The following KCNN2 variants were observed in gnomAD, a reference collection of about 807,000 sequenced individuals.
The protein encoded by KCNN2 is potassium calcium-activated channel subfamily N member 2, also known as small conductance calcium-activated potassium channel protein 2.
Under a neutral mutation model 55.5 loss-of-function variants are expected in KCNN2, and 24 were observed. The ratio of observed to expected loss-of-function variants is 0.43; its 90% CI spans 0.31 to 0.61. The LOEUF is 0.61. KCNN2 is among the 20% of genes least tolerant of loss of function. The probability of loss-of-function intolerance (pLI) is 0.08; values close to 1 mark genes in which losing one functional copy is unlikely to be tolerated. For synonymous variants in KCNN2, 431 were observed against 336.1 expected, an observed-to-expected ratio of 1.28 and a Z score of -3.09; for missense variants, 754 against 853.6, an observed-to-expected ratio of 0.88 and a Z score of 1.45.
intron 1 of KCNN2, among the ~76,000 whole-genome samples, chr5:114,118,546 A>C (rs1751764399): frequency 6.6e-6 from 1 of 151,986 alleles, no homozygotes; most frequent in African/African-American, 2.4e-5. Flanking sequence ...AAAAAATAAG[A>C]GGAGGAAGAC....
intron 1 of KCNN2, among the ~76,000 whole-genome samples, chr5:114,094,938 A>G (rs1306019255): frequency 6.6e-6 from 1 of 152,090 alleles, no homozygotes; most frequent in African/African-American, 2.4e-5. Flanking sequence ...ATATATTTTT[A>G]TATGATAATT....
chr5:114,183,753 C>G (rs1226922571), intron 1 of KCNN2, among the ~76,000 whole-genome samples: 4 of 150,364 alleles, frequency 2.7e-5, no homozygotes, highest in African/African-American at 7.3e-5. Context: ...TTAACTTGAT[C>G]AGACTAGTTA....
intron 3 of KCNN2, among the ~76,000 whole-genome samples, chr5:114,431,352 C>G (rs566236016): frequency 1.3e-5 from 2 of 151,816 alleles, no homozygotes; most frequent in Non-Finnish European, 2.9e-5. Flanking sequence ...TCCATTTTAT[C>G]TAGGTTGTCA....
rs760205714 is a variant in KCNN2, at chr5:114,363,275, C to T, written c.1122+14C>T. On this transcript the variant is annotated intron_variant, in intron 1 of 7. Coordinates refer to ENST00000673685, the MANE Select transcript of KCNN2 (RefSeq NM_021614.4). ...GCCTACGACAAGGTACAGGCTTGAACCCCAGCCCACGCTACCGGAGTCGGG... is the reference window on the plus strand; with the variant it reads ...GCCTACGACAAGGTACAGGCTTGAATCCCAGCCCACGCTACCGGAGTCGGG... The T allele has an allele frequency of 1.9e-6, 3 of 1,577,504 alleles. No homozygotes were observed. Among genetic ancestry groups the T allele is most frequent in the Admixed American group, 1.8e-5 (1 of 56,122 alleles).
chr5:114,072,738 T>G (rs948586501), intron 1 of KCNN2, among the ~76,000 whole-genome samples: 2 of 152,186 alleles, frequency 1.3e-5, no homozygotes, highest in African/African-American at 4.8e-5. Flanking sequence ...TACCACTAAC[T>G]GGCCTTTTGG....
At chr5:114,281,589 C>G (rs1007487079) in intron 2 of KCNN2, among the ~76,000 whole-genome samples, 2 of 139,730 alleles carry the variant, frequency 1.4e-5, no homozygotes, top group African/African-American at 5.2e-5. Flanking sequence ...TTGTCAATCT[C>G]TGTCTCTCTC....
At chr5:114,062,852 T>G (rs1425067812) in intron 1 of KCNN2, among the ~76,000 whole-genome samples, 1 of 152,200 alleles carries the variant, frequency 6.6e-6, no homozygotes, top group African/African-American at 2.4e-5. Context: ...GTTAAAATGT[T>G]AGGATACTAA....
intron 3 of KCNN2, among the ~76,000 whole-genome samples, chr5:114,424,017 C>T (rs539977501): frequency 6.6e-6 from 1 of 152,212 alleles, no homozygotes; most frequent in South Asian, 2.1e-4. Context: ...TAAATTGGAA[C>T]TGATGCATGG....
intron 3 of KCNN2, among the ~76,000 whole-genome samples, chr5:114,419,080 C>A (rs1386189686): frequency 1.3e-5 from 2 of 152,142 alleles, no homozygotes; most frequent in Non-Finnish European, 2.9e-5. Context: ...TAGACTTTGT[C>A]TTAATTTGTG....
At chr5:114,424,324 C>T (rs999688791) in intron 3 of KCNN2, among the ~76,000 whole-genome samples, 14 of 152,126 alleles carry the variant, frequency 9.2e-5, no homozygotes, top group Non-Finnish European at 2.1e-4. Flanking sequence ...TGATCCTGAC[C>T]TATGAGCACT....
chr5:114,460,816 A>G (rs989034322), intron 3 of KCNN2, among the ~76,000 whole-genome samples: 2 of 152,224 alleles, frequency 1.3e-5, no homozygotes, highest in Non-Finnish European at 2.9e-5. Context: ...ATACATATGC[A>G]TCATGGAACC....
intron 3 of KCNN2, among the ~76,000 whole-genome samples, chr5:114,442,616 C>T (rs909527908): frequency 6.6e-6 from 1 of 152,012 alleles, no homozygotes; most frequent in African/African-American, 2.4e-5. Flanking sequence ...TGAAGTATGC[C>T]TCGCCAGATG....
At chr5:114,247,193 A>G (rs1237407758) in intron 2 of KCNN2, among the ~76,000 whole-genome samples, 1 of 128,652 alleles carries the variant, frequency 7.8e-6, no homozygotes, top group Non-Finnish European at 1.6e-5. Context: ...GCATGGTACC[A>G]TATGTCTCCA....
At chr5:114,447,775 T>G (rs1760478234) in intron 3 of KCNN2, among the ~76,000 whole-genome samples, 1 of 152,234 alleles carries the variant, frequency 6.6e-6, no homozygotes, top group South Asian at 2.1e-4. Context: ...ATTTTACAAG[T>G]GTATTTTGAT....
chr5:114,314,230 C>T (rs1290666976), intron 2 of KCNN2, among the ~76,000 whole-genome samples: 1 of 152,042 alleles, frequency 6.6e-6, no homozygotes, highest in Admixed American at 6.6e-5. Flanking sequence ...ACACAGAGTT[C>T]CTATATATCA....
At chr5:114,370,992 T>A (rs1401552458) in intron 2 of KCNN2, among the ~76,000 whole-genome samples, 1 of 152,150 alleles carries the variant, frequency 6.6e-6, no homozygotes, top group Non-Finnish European at 1.5e-5. Flanking sequence ...TCACCTGGCT[T>A]AATAGCATTC....
chr5:114,486,782 A>G, intron 5 of KCNN2: 1 of 1,341,996 alleles, frequency 7.5e-7, no homozygotes, highest in South Asian at 1.3e-5. Context: ...ATAGTTGAAT[A>G]AAAAAGAAGT....
intron 1 of KCNN2, among the ~76,000 whole-genome samples, chr5:114,169,813 G>A (rs189654723): frequency 2.1e-3 from 322 of 152,236 alleles, no homozygotes; most frequent in African/African-American, 7.4e-3. Flanking sequence ...GGTTACTGAT[G>A]TATTTAGAGA....
chr5:114,409,065 G>GATTT (rs1218420110), intron 3 of KCNN2, among the ~76,000 whole-genome samples: 1 of 152,186 alleles, frequency 6.6e-6, no homozygotes, highest in Non-Finnish European at 1.5e-5. Flanking sequence ...GGGACACTGG[G>GATTT]ATTTAGTCTC....
Sources: gnomAD v4.1 joint callset for allele counts (sites outside exome capture counted in the v4.1 genomes callset) on GRCh38, gnomAD v4.1.1 for gene constraint, MANE v1.5 for transcripts, NCBI Gene and HGNC (gene_info 2026-07-23, HGNC 2026-07-21) for gene names.